The following CD82 variants were observed in gnomAD, a reference collection of about 807,000 sequenced individuals.
CD82 encodes CD82 molecule.
In CD82, 36 loss-of-function variants were observed where a neutral mutation model predicts 37.4. The ratio of observed to expected loss-of-function variants is 0.96; its 90% CI spans 0.74 to 1.27. The LOEUF is 1.27. CD82 is among the 50% of genes most tolerant of loss of function. The pLI is 0.00. For missense variants in CD82, 340 were observed against 347.0 expected, an observed-to-expected ratio of 0.98 and a Z score of 0.16; for synonymous variants, 158 against 137.4, an observed-to-expected ratio of 1.15 and a Z score of -1.05.
intron 6 of CD82, among the ~76,000 whole-genome samples, chr11:44,612,991 C>G (rs1853507982): frequency 6.6e-6 from 1 of 152,094 alleles, no homozygotes. Flanking sequence ...GCAGGTCCAT[C>G]TGCAGGATAT....
intron 3 of CD82, among the ~76,000 whole-genome samples, chr11:44,599,272 T>A (rs1330400267): frequency 6.6e-6 from 1 of 152,236 alleles, no homozygotes; most frequent in Admixed American, 6.5e-5. Flanking sequence ...GCTTCCCCAG[T>A]AGCTGGGACT....
rs868456294 is a variant in CD82 at position 44,588,209 on chromosome 11, G to T, written c.-21+653G>T. Among the ~76,000 whole-genome samples, 449 of 146,138 alleles carry T rather than the reference G, an allele frequency of 3.1e-3. 4 individuals carry two copies. The highest frequency in any genetic ancestry group is 8.1e-3 in the African/African-American group (317 of 39,276). ...CAAATCTGCAAAGTAGGATTTTGGG[G>T]TTTTTTTTTTGTTTTTTGTTTTTTG... On this transcript the variant is annotated intron_variant, in intron 2 of 9. Transcript: ENST00000227155.
At chr11:44,606,533 G>C (rs1180247628) in intron 6 of CD82, 3 of 152,350 alleles carry the variant, frequency 2.0e-5, no homozygotes, top group African/African-American at 7.3e-5. Context: ...GCCACCCCTG[G>C]TTGCAAAAGA....
At chr11:44,612,399 A>C (rs527799034) in intron 6 of CD82, among the ~76,000 whole-genome samples, 3 of 152,288 alleles carry the variant, frequency 2.0e-5, no homozygotes, top group Admixed American at 6.5e-5. Context: ...GTGAAGATTC[A>C]GTTGAGATAA....
chr11:44,564,737 G>T (rs1436060722), upstream of CD82, among the ~76,000 whole-genome samples: 1 of 152,180 alleles, frequency 6.6e-6, no homozygotes, highest in African/African-American at 2.4e-5. Context: ...CCCCAGCACT[G>T]GTTGTTCTGG....
intron 6 of CD82, among the ~76,000 whole-genome samples, chr11:44,612,509 G>A (rs1853497576): frequency 7.4e-6 from 1 of 135,020 alleles, no homozygotes; most frequent in Admixed American, 7.6e-5. Flanking sequence ...GGAAAGCTTT[G>A]TAAATTGCAG....
In CD82 at chr11:44,607,744, T is replaced by A. The variant is rs370607674; in HGVS notation, c.336+2315T>A. Among the ~76,000 whole-genome samples the A allele has an allele frequency of 4.6e-5, 7 of 152,264 alleles. No homozygotes were observed. The East Asian group carries it at 1.3e-3, about 29-fold the overall frequency. On this transcript the variant is annotated intron_variant, in intron 6 of 9. Coordinates refer to ENST00000227155, the MANE Select transcript of CD82 (RefSeq NM_002231.4). ...CAGCCACTGACACACACAGCTTGGA[T>A]GCATCAGAGTGGGGATTTCCATCCT...
chr11:44,603,310 G>A (rs1047170353), intron 4 of CD82, among the ~76,000 whole-genome samples: 2 of 152,124 alleles, frequency 1.3e-5, no homozygotes, highest in African/African-American at 4.8e-5. Flanking sequence ...AGGAAGCGGA[G>A]CTGAATCCCA....
chr11:44,606,998 C>T (rs1853407817), intron 6 of CD82: 1 of 152,306 alleles, frequency 6.6e-6, no homozygotes, highest in Admixed American at 6.5e-5. Context: ...TCACCCGTCC[C>T]CAGACCCTGC....
At chr11:44,592,397 C>T (rs983319210) in intron 2 of CD82, among the ~76,000 whole-genome samples, 4 of 152,326 alleles carry the variant, frequency 2.6e-5, no homozygotes, top group African/African-American at 4.8e-5. Context: ...GCTGCTTGGG[C>T]GCTGAACCTG....
chr11:44,609,007 A>ATAAT (rs1447656667), intron 6 of CD82, among the ~76,000 whole-genome samples: 1 of 152,246 alleles, frequency 6.6e-6, no homozygotes, highest in Non-Finnish European at 1.5e-5. Context: ...CACTTCATGA[A>ATAAT]GGCCTGGTAA....
intron 6 of CD82, among the ~76,000 whole-genome samples, chr11:44,609,730 T>C (rs772601606): frequency 2.5e-4 from 38 of 152,124 alleles, no homozygotes; most frequent in Non-Finnish European, 4.1e-4. Flanking sequence ...TGGCTTGGGG[T>C]TCTCTTGCGA....
intron 2 of CD82, among the ~76,000 whole-genome samples, chr11:44,593,765 A>G (rs138311096): frequency 6.6e-6 from 1 of 152,128 alleles, no homozygotes; most frequent in East Asian, 1.9e-4. Context: ...AGGTCCATGA[A>G]CTCCCAGAAA....
At chr11:44,571,814 A>G (rs1473116050) in intron 1 of CD82, among the ~76,000 whole-genome samples, 1 of 152,150 alleles carries the variant, frequency 6.6e-6, no homozygotes, top group Non-Finnish European at 1.5e-5. Context: ...GCCTCAAGTG[A>G]TCCTCCAGCC....
At chr11:44,609,381 AC>A (rs1853447608) in intron 6 of CD82, among the ~76,000 whole-genome samples, 1 of 152,046 alleles carries the variant, frequency 6.6e-6, no homozygotes, top group South Asian at 2.1e-4. Flanking sequence ...AGCTGGGTGC[AC>A]TTGGCAGGCC....
At chr11:44,589,568 GGT>G (rs1853108956) in intron 2 of CD82, among the ~76,000 whole-genome samples, 1 of 152,210 alleles carries the variant, frequency 6.6e-6, no homozygotes, top group Non-Finnish European at 1.5e-5. Flanking sequence ...CCCAGCTCCG[GGT>G]CATTGAGTCC....
rs536266684 is a variant in CD82, at chr11:44,572,116, G to A, written c.-103+6380G>A. On this transcript the variant is annotated intron_variant, in intron 1 of 9. Coordinates refer to ENST00000227155, the MANE Select transcript of CD82 (RefSeq NM_002231.4). Reference sequence around the variant, plus strand: ...GGTTTTATTCAGGGGAAGGACTCCTGGGGGCCTGGCTTATTCTCCTGCAGC... The same window carrying A: ...GGTTTTATTCAGGGGAAGGACTCCTAGGGGCCTGGCTTATTCTCCTGCAGC... 2.5e-3 allele frequency among the ~76,000 whole-genome samples: 382 copies of A among 152,326 alleles called. 3 individuals are homozygous for A. Among genetic ancestry groups the A allele is most frequent in the African/African-American group, 8.9e-3 (368 of 41,568 alleles).
At chr11:44,566,617 T>A (rs530119580) in intron 1 of CD82, among the ~76,000 whole-genome samples, 1 of 152,200 alleles carries the variant, frequency 6.6e-6, no homozygotes. Flanking sequence ...AAACTTCAGT[T>A]TCCTCACCTG....
intron 3 of CD82, among the ~76,000 whole-genome samples, chr11:44,598,859 G>A (rs988945020): frequency 6.6e-6 from 1 of 152,226 alleles, no homozygotes; most frequent in Non-Finnish European, 1.5e-5. Flanking sequence ...TGGGAACCCA[G>A]GGCTGTGATA....
Sources: allele counts gnomAD v4.1 joint callset (sites outside exome capture counted in the v4.1 genomes callset), GRCh38; gene constraint gnomAD v4.1.1; transcripts MANE v1.5; gene names NCBI Gene and HGNC (gene_info 2026-07-23, HGNC 2026-07-21).